Variants in TTLL1 observed in about 807,000 individuals in gnomAD.
TTLL1 encodes the protein TTL family tubulin polyglutamylase complex subunit L1.
TTLL1 carries 33 observed loss-of-function variants against 47.8 expected under a neutral mutation model. The observed-to-expected ratio is 0.69, with a 90% CI of 0.52 to 0.92. The LOEUF is 0.92. Ranked by LOEUF, TTLL1 falls within the 40% of genes least tolerant of loss-of-function variation. The pLI is 0.00. For synonymous variants in TTLL1, 225 were observed against 214.1 expected, an observed-to-expected ratio of 1.05 and a Z score of -0.45; for missense variants, 488 against 547.5, an observed-to-expected ratio of 0.89 and a Z score of 1.08.
chr22:43,053,786 C>G (rs1384973666), intron 8 of TTLL1, among the ~76,000 whole-genome samples: 1 of 152,244 alleles, frequency 6.6e-6, no homozygotes, highest in Non-Finnish European at 1.5e-5. Context: ...AACAGCTTTT[C>G]AGTTCAGGAA....
chr22:43,057,963 T>C (rs1228689985), intron 8 of TTLL1, among the ~76,000 whole-genome samples: 2 of 150,114 alleles, frequency 1.3e-5, no homozygotes, highest in Non-Finnish European at 3.0e-5. Flanking sequence ...TTTTTTTTTT[T>C]CTAGACAGTC....
chr22:43,063,372 C>T (rs975777386), intron 7 of TTLL1, among the ~76,000 whole-genome samples: 7 of 152,040 alleles, frequency 4.6e-5, no homozygotes, highest in East Asian at 1.9e-4. Flanking sequence ...CCATCAGTGC[C>T]GGACCTTAGA....
chr22:43,045,337 C>A (rs2146958486), intron 10 of TTLL1, among the ~76,000 whole-genome samples: 1 of 152,246 alleles, frequency 6.6e-6, no homozygotes, highest in Non-Finnish European at 1.5e-5. Flanking sequence ...AATAGTCTTA[C>A]CTACTTCAAA....
chr22:43,068,610 A>C lies in TTLL1; in HGVS notation c.323-20T>G. 7.0e-7 allele frequency: 1 copy of C among 1,435,066 alleles called. No homozygotes were observed. 88.9% of individuals were successfully genotyped at this position (1,435,066 alleles called of 1,614,324 possible). A position where few individuals can be genotyped will look rare whatever the true frequency, so the allele number is the denominator to read the frequency against. Reference sequence around the variant, plus strand: ...CAAAGTCTGCAAGGCAAAGACACCCAGCACTGGTAAGCAGCCAGCCCAACA... The same window carrying C: ...CAAAGTCTGCAAGGCAAAGACACCCCGCACTGGTAAGCAGCCAGCCCAACA... On this transcript the variant is annotated intron_variant, in intron 4 of 10. Transcript: ENST00000266254.
intron 10 of TTLL1, among the ~76,000 whole-genome samples, chr22:43,045,171 T>A (rs545835012): frequency 2.0e-5 from 3 of 152,124 alleles, no homozygotes; most frequent in Admixed American, 2.0e-4. Context: ...AGGTCAATCT[T>A]TTTAAAGGCC....
chr22:43,089,123 G>C (rs937379350), intron 1 of TTLL1, among the ~76,000 whole-genome samples, 154 bp downstream of exon 1: 26 of 152,320 alleles, frequency 1.7e-4, no homozygotes, highest in African/African-American at 6.3e-4. Flanking sequence ...GGGCTTCCTG[G>C]AGGACGCGGA....
At chr22:43,082,739 C>T (rs1234878945) in intron 1 of TTLL1, among the ~76,000 whole-genome samples, 12 of 151,006 alleles carry the variant, frequency 7.9e-5, no homozygotes, top group African/African-American at 2.4e-4. Flanking sequence ...ACAGGCTGCG[C>T]GCGGTGGCTC....
chr22:43,078,623 C>A (rs1179268412), intron 2 of TTLL1, among the ~76,000 whole-genome samples: 5 of 152,108 alleles, frequency 3.3e-5, no homozygotes, highest in Non-Finnish European at 7.4e-5. Flanking sequence ...CTCCACACAG[C>A]CCATCACTTC....
At chr22:43,075,178 G>C (rs1473251001) in intron 3 of TTLL1, among the ~76,000 whole-genome samples, 1 of 152,044 alleles carries the variant, frequency 6.6e-6, no homozygotes, top group Non-Finnish European at 1.5e-5. Flanking sequence ...CTCTGGCCCA[G>C]CTATAACGCA....
chr22:43,079,671 C>A (rs1319920825), intron 2 of TTLL1, among the ~76,000 whole-genome samples: 1 of 152,200 alleles, frequency 6.6e-6, no homozygotes, highest in Non-Finnish European at 1.5e-5. Flanking sequence ...GACTGGAGAC[C>A]AGGAAGGCTG....
chr22:43,073,813 TTTTA>T (rs1231408737), intron 3 of TTLL1, among the ~76,000 whole-genome samples: 9 of 150,710 alleles, frequency 6.0e-5, no homozygotes, highest in Non-Finnish European at 1.0e-4. Context: ...AGCTCTTCTT[TTTTA>T]TTTATTTATT....
intron 1 of TTLL1, among the ~76,000 whole-genome samples, chr22:43,084,962 CTTTTT>C (rs148980685): frequency 2.9e-4 from 33 of 112,750 alleles, no homozygotes; most frequent in African/African-American, 1.1e-3. Flanking sequence ...AAGCTGCCAC[CTTTTT>C]TTTTTTTTTT....
chr22:43,069,611 A>G (rs755771604), intron 4 of TTLL1, 25 bp downstream of exon 4: 2 of 1,613,690 alleles, frequency 1.2e-6, no homozygotes, highest in African/African-American at 2.7e-5. Flanking sequence ...TACTGAAAAC[A>G]TGAGCCGGTG....
intron 10 of TTLL1, among the ~76,000 whole-genome samples, chr22:43,041,997 G>A (rs1925720173): frequency 6.6e-6 from 1 of 151,770 alleles, no homozygotes; most frequent in Non-Finnish European, 1.5e-5. Flanking sequence ...TCTGGAATCT[G>A]CCTGGGTGGG....
chr22:43,063,632 GTA>G (rs1348634900), intron 7 of TTLL1, among the ~76,000 whole-genome samples, 179 bp downstream of exon 7: 1 of 151,470 alleles, frequency 6.6e-6, no homozygotes, highest in Non-Finnish European at 1.5e-5. Flanking sequence ...GGTAATTTCC[GTA>G]TTTTTTTTTT....
intron 1 of TTLL1, among the ~76,000 whole-genome samples, chr22:43,087,854 A>AAC (rs1254407884): frequency 3.4e-5 from 5 of 146,416 alleles, no homozygotes; most frequent in South Asian, 2.2e-4. Flanking sequence ...AAAAAAAAAA[A>AAC]ACCAAGAATA....
At chr22:43,085,257 T>C (rs1601710656) in intron 1 of TTLL1, among the ~76,000 whole-genome samples, 1 of 152,262 alleles carries the variant, frequency 6.6e-6, no homozygotes, top group South Asian at 2.1e-4. Flanking sequence ...ATTACAGGTG[T>C]GAGCCACCGC....
chr22:43,063,990 TA>T, intron 6 of TTLL1, 69 bp from the exon 7 acceptor site: 2 of 1,542,062 alleles, frequency 1.3e-6, no homozygotes, highest in Non-Finnish European at 1.8e-6. Context: ...CTTCATTCTC[TA>T]AAAAGAGCTG....
Position 43,059,494 on chromosome 22 carries a change from T to C in TTLL1, c.781A>G (p.Thr261Ala). ...DYNHIHGGKW[T>A]VSNLRLYLES... The stretch of plus-strand genomic sequence containing the variant: ...AGGTAGAGCCGCAGGTTACTCACTG[T>C]CCACTTGCCCCCATGGATGTGGTTG... Residue 261 changes from threonine to alanine, a missense_variant, in exon 8 of 11, where the codon ACA becomes GCA. Physicochemically the swap from Thr to Ala is moderately conservative, Grantham distance 58. Coordinates refer to ENST00000266254, the MANE Select transcript of TTLL1 (RefSeq NM_012263.5). The C allele has an allele frequency of 6.2e-7, 1 of 1,613,796 alleles. No homozygotes were observed.
Sources: gnomAD v4.1 joint callset for allele counts (sites outside exome capture counted in the v4.1 genomes callset) on GRCh38, gnomAD v4.1.1 for gene constraint, MANE v1.5 for transcripts, NCBI Gene and HGNC (gene_info 2026-07-23, HGNC 2026-07-21) for gene names.